MCTP2: variants seen among roughly 807,000 people sequenced by gnomAD.
The protein encoded by MCTP2 is multiple C2 and transmembrane domain-containing protein 2.
In MCTP2, 132 loss-of-function variants were observed where a neutral mutation model predicts 111.6. That is an observed-to-expected ratio of 1.18 (90% CI 1.03 to 1.37). The LOEUF is 1.37. Ranked by LOEUF, MCTP2 falls within the 40% of genes most tolerant of loss-of-function variation. MCTP2 has a pLI of 0.00. For missense variants in MCTP2, 1,183 were observed against 1,067.9 expected (o/e 1.11, Z -1.50); for synonymous variants, 395 against 387.7 (o/e 1.02, Z -0.22).
At chr15:94,403,290 T>C in intron 17 of MCTP2, 2 of 973,590 alleles carry the variant, frequency 2.1e-6, no homozygotes, top group Non-Finnish European at 2.4e-6. Context: ...AGCATTTGTT[T>C]ATCCACTTCC....
At chr15:94,334,320 A>G (rs2077257587) in intron 4 of MCTP2, among the ~76,000 whole-genome samples, 1 of 152,230 alleles carries the variant, frequency 6.6e-6, no homozygotes, top group African/African-American at 2.4e-5. Flanking sequence ...ACTTTAATTC[A>G]CCATGTACAT....
chr15:94,450,715 G>A (rs1165457265), intron 19 of MCTP2, among the ~76,000 whole-genome samples: 3 of 152,104 alleles, frequency 2.0e-5, no homozygotes, highest in Non-Finnish European at 2.9e-5. Context: ...AAAAATTTTT[G>A]CATTAATCTC....
chr15:94,445,883 G>A (rs1242452591), intron 19 of MCTP2, among the ~76,000 whole-genome samples: 1 of 152,170 alleles, frequency 6.6e-6, no homozygotes, highest in East Asian at 1.9e-4. Context: ...CTCTTTAATT[G>A]CCAGTGCTCC....
intron 2 of MCTP2, among the ~76,000 whole-genome samples, chr15:94,305,140 G>A (rs932028667): frequency 5.3e-5 from 8 of 152,062 alleles, no homozygotes; most frequent in Non-Finnish European, 7.4e-5. Flanking sequence ...TTTAGGAGGT[G>A]ATTAAGGATA....
At chr15:94,245,682 G>A (rs1034532513) in intron 1 of MCTP2, among the ~76,000 whole-genome samples, 3 of 145,078 alleles carry the variant, frequency 2.1e-5, no homozygotes, top group African/African-American at 7.6e-5. Context: ...ACATATGTAT[G>A]TGTATACATA....
intron 4 of MCTP2, among the ~76,000 whole-genome samples, chr15:94,326,580 T>G (rs1052913242): frequency 6.6e-6 from 1 of 152,102 alleles, no homozygotes; most frequent in African/African-American, 2.4e-5. Context: ...TACTTTTTTT[T>G]TTTTTGAGAC....
intron 8 of MCTP2, among the ~76,000 whole-genome samples, chr15:94,352,140 C>G (rs942091442): frequency 2.0e-5 from 3 of 152,186 alleles, no homozygotes; most frequent in African/African-American, 4.8e-5. Context: ...ACAGTACATT[C>G]CCTGTTTTAG....
chr15:94,370,222 C>A lies in MCTP2; in HGVS notation c.1582+42C>A. On this transcript the variant is annotated intron_variant, in intron 12 of 22. Coordinates refer to ENST00000357742, the MANE Select transcript of MCTP2 (RefSeq NM_001385001.1). ...TTTTCTAATTTATCTTTATTTATTTCCTGCTTTGAAACAATCTCCTGGCAA... is the reference window on the plus strand; with the variant it reads ...TTTTCTAATTTATCTTTATTTATTTACTGCTTTGAAACAATCTCCTGGCAA... 2.6e-6 allele frequency: 4 copies of A among 1,519,032 alleles called. No individual in the cohort carries two copies. In the South Asian group the frequency reaches 3.5e-5, roughly 13 times the overall value. The allele number at this position is 1,519,032 out of a possible 1,614,324, so 94.1% of individuals were successfully genotyped here.
chr15:94,316,751 G>T (rs1459101275), intron 4 of MCTP2, among the ~76,000 whole-genome samples: 1 of 151,900 alleles, frequency 6.6e-6, no homozygotes, highest in East Asian at 1.9e-4. Context: ...TCATTTCATT[G>T]TAGGCAAATA....
At chr15:94,408,918 G>C (rs562632619) in intron 17 of MCTP2, among the ~76,000 whole-genome samples, 6 of 152,036 alleles carry the variant, frequency 3.9e-5, no homozygotes, top group African/African-American at 1.4e-4. Flanking sequence ...GTGGGACCCT[G>C]TGTCACTACC....
chr15:94,275,350 A>C (rs192658779), intron 1 of MCTP2, among the ~76,000 whole-genome samples: 2 of 152,320 alleles, frequency 1.3e-5, no homozygotes, highest in Admixed American at 1.3e-4. Context: ...GGTTGTACAG[A>C]TACAAAATCT....
intron 4 of MCTP2, among the ~76,000 whole-genome samples, chr15:94,337,997 A>G (rs979234929): frequency 6.6e-6 from 1 of 152,198 alleles, no homozygotes; most frequent in African/African-American, 2.4e-5. Context: ...ACTGGAGCTA[A>G]ATAGAAATAT....
rs777656315 is a variant in MCTP2 at position 94,426,592 on chromosome 15, A to G, written c.2086-13584A>G. Among the ~76,000 whole-genome samples, 10 of 152,088 alleles carry G rather than the reference A, an allele frequency of 6.6e-5. No homozygotes were observed. The South Asian group carries it at 8.3e-4, about 13-fold the overall frequency. ...TCAGTTCTCTGCTGGTATTGTTTTC[A>G]TGAACATATGGATTATAATTATTTT... On this transcript the variant is annotated intron_variant, in intron 17 of 22. Transcript: ENST00000357742.
intron 12 of MCTP2, among the ~76,000 whole-genome samples, chr15:94,382,438 G>A (rs746169202): frequency 4.6e-5 from 7 of 152,242 alleles, no homozygotes; most frequent in Non-Finnish European, 7.3e-5. Flanking sequence ...ACTGGCAACT[G>A]AAATAGTAGC....
At chr15:94,404,733 G>A (rs1051045793) in intron 17 of MCTP2, among the ~76,000 whole-genome samples, 1 of 152,006 alleles carries the variant, frequency 6.6e-6, no homozygotes, top group African/African-American at 2.4e-5. Context: ...GACTGGATTG[G>A]CGGGGCGGGT....
chr15:94,425,337 C>T (rs1429688909), intron 17 of MCTP2, among the ~76,000 whole-genome samples: 1 of 152,108 alleles, frequency 6.6e-6, no homozygotes, highest in African/African-American at 2.4e-5. Context: ...TTAGGTTTAG[C>T]ACAGTTCTTC....
At chr15:94,257,223 C>T (rs1283580131) in intron 1 of MCTP2, among the ~76,000 whole-genome samples, 1 of 152,096 alleles carries the variant, frequency 6.6e-6, no homozygotes, top group Non-Finnish European at 1.5e-5. Context: ...CTCACATGCT[C>T]CCTCATCCTC....
At chr15:94,255,685 A>C (rs910209883) in intron 1 of MCTP2, among the ~76,000 whole-genome samples, 1 of 152,106 alleles carries the variant, frequency 6.6e-6, no homozygotes, top group Non-Finnish European at 1.5e-5. Context: ...TTAAGGGTGG[A>C]CCAGCAGAAG....
intron 1 of MCTP2, among the ~76,000 whole-genome samples, chr15:94,272,071 C>A (rs1195375515): frequency 6.6e-6 from 1 of 152,144 alleles, no homozygotes; most frequent in Non-Finnish European, 1.5e-5. Context: ...TAGGCAGGAC[C>A]TTTGAAGTTT....
Sources: gnomAD v4.1 joint callset for allele counts (sites outside exome capture counted in the v4.1 genomes callset) on GRCh38, gnomAD v4.1.1 for gene constraint, MANE v1.5 for transcripts, NCBI Gene and HGNC (gene_info 2026-07-23, HGNC 2026-07-21) for gene names.